LRRC1: variants seen among roughly 807,000 people sequenced by gnomAD.
The protein encoded by LRRC1 is leucine-rich repeat-containing protein 1.
In LRRC1, 28 loss-of-function variants were observed where a neutral mutation model predicts 69.9. The observed-to-expected ratio is 0.40, with a 90% CI of 0.30 to 0.55. The LOEUF is 0.55. LRRC1 is among the 20% of genes least tolerant of loss of function. LRRC1 has a pLI of 0.47. For missense variants in LRRC1, 498 were observed against 609.0 expected, an observed-to-expected ratio of 0.82 and a Z score of 1.92; for synonymous variants, 236 against 240.2, an observed-to-expected ratio of 0.98 and a Z score of 0.16.
In LRRC1 at chr6:53,916,581, C is replaced by T. The variant is rs529091851; in HGVS notation, c.1106+2612C>T. Among the ~76,000 whole-genome samples the T allele has an allele frequency of 6.6e-5, 10 of 151,986 alleles. No homozygotes were observed. The South Asian group carries it at 1.9e-3, about 28-fold the overall frequency. On this transcript the variant is annotated intron_variant, in intron 11 of 13. Transcript: ENST00000370888. ...ATACCCAAATACTAATAGTAGTTCC[C>T]CTAGATGAGACTTGAGGGTACAGGG... is the stretch of plus-strand genomic sequence containing the variant.
At chr6:53,855,260 A>AC (rs1766273207) in intron 2 of LRRC1, among the ~76,000 whole-genome samples, 1 of 152,256 alleles carries the variant, frequency 6.6e-6, no homozygotes, top group South Asian at 2.1e-4. Context: ...CATACCATGA[A>AC]CATTAACAGT....
intron 9 of LRRC1, among the ~76,000 whole-genome samples, chr6:53,903,784 T>G (rs1244564341): frequency 6.6e-6 from 1 of 152,178 alleles, no homozygotes; most frequent in African/African-American, 2.4e-5. Context: ...TTTGTGATTT[T>G]AGGCTTACAA....
chr6:53,810,633 C>G (rs1465506883), intron 1 of LRRC1, among the ~76,000 whole-genome samples: 4 of 152,008 alleles, frequency 2.6e-5, no homozygotes, highest in Middle Eastern at 3.4e-3. Context: ...AAAAAAAAAG[C>G]TTTTACACGT....
chr6:53,835,984 A>G (rs1765602461), intron 1 of LRRC1, among the ~76,000 whole-genome samples: 2 of 152,202 alleles, frequency 1.3e-5, no homozygotes, highest in Non-Finnish European at 2.9e-5. Flanking sequence ...CCATTGGCAG[A>G]AAGGACAACA....
At chr6:53,812,544 G>T (rs139960391) in intron 1 of LRRC1, among the ~76,000 whole-genome samples, 3 of 151,788 alleles carry the variant, frequency 2.0e-5, no homozygotes, top group Non-Finnish European at 2.9e-5. Flanking sequence ...CAAAAAATCA[G>T]CCGGGCGTGG....
At chr6:53,805,140 C>T (rs1764601788) in intron 1 of LRRC1, among the ~76,000 whole-genome samples, 1 of 152,058 alleles carries the variant, frequency 6.6e-6, no homozygotes, top group Non-Finnish European at 1.5e-5. Context: ...TGTGCCAGAT[C>T]TTTGGACGAC....
intron 1 of LRRC1, among the ~76,000 whole-genome samples, chr6:53,820,165 A>G (rs111326987): frequency 2.6e-5 from 4 of 152,174 alleles, no homozygotes; most frequent in African/African-American, 9.6e-5. Flanking sequence ...TGATTTACAT[A>G]CAACTTACTG....
Position 53,922,947 on chromosome 6 carries a change from C to G in LRRC1, c.*154C>G, listed in dbSNP as rs1341231806. The stretch of plus-strand genomic sequence containing the variant: ...GGAAGCTGCTGTCTCCCAGGAAGTG[C>G]CTTACTCATCCCGCAACCAGTCAGC... On this transcript the variant is annotated 3_prime_UTR_variant, in exon 14 of 14. Transcript: ENST00000370888. 2.0e-5 allele frequency: 13 copies of G among 645,462 alleles called. No homozygotes were observed. In the East Asian group the frequency reaches 2.3e-4, roughly 12 times the overall value. 40.0% of individuals were successfully genotyped at this position (645,462 alleles called of 1,614,324 possible). A position where few individuals can be genotyped will look rare whatever the true frequency, so the allele number is the denominator to read the frequency against.
intron 2 of LRRC1, among the ~76,000 whole-genome samples, chr6:53,854,670 T>C (rs1025949105): frequency 6.6e-6 from 1 of 152,234 alleles, no homozygotes; most frequent in African/African-American, 2.4e-5. Flanking sequence ...AACTCTAAAA[T>C]CATAATTCTG....
chr6:53,894,225 C>T (rs1767795811), intron 4 of LRRC1, among the ~76,000 whole-genome samples: 1 of 152,184 alleles, frequency 6.6e-6, no homozygotes, highest in South Asian at 2.1e-4. Context: ...CAAAACCTCA[C>T]GGTCCTAATC....
intron 4 of LRRC1, among the ~76,000 whole-genome samples, chr6:53,896,278 T>C (rs1008695316): frequency 6.6e-6 from 1 of 152,224 alleles, no homozygotes; most frequent in East Asian, 1.9e-4. Flanking sequence ...ACTACTCTTT[T>C]ATTAATTATT....
At chr6:53,841,398 A>G (rs1404866411) in intron 1 of LRRC1, among the ~76,000 whole-genome samples, 3 of 152,070 alleles carry the variant, frequency 2.0e-5, no homozygotes, top group African/African-American at 7.2e-5. Flanking sequence ...GTTACCATTC[A>G]TCCCTCTGTT....
chr6:53,867,971 A>AAT (rs1766759375), intron 2 of LRRC1, among the ~76,000 whole-genome samples: 2 of 150,656 alleles, frequency 1.3e-5, no homozygotes, highest in African/African-American at 2.4e-5. Context: ...AAAAAAAAAA[A>AAT]TTTTTTTGTT....
chr6:53,894,770 G>T (rs1462006290), intron 4 of LRRC1, among the ~76,000 whole-genome samples: 1 of 152,086 alleles, frequency 6.6e-6, no homozygotes, highest in Non-Finnish European at 1.5e-5. Flanking sequence ...ATACTGGGTG[G>T]TGTACATCTC....
At chr6:53,906,077 C>T (rs6940287) in intron 10 of LRRC1, among the ~76,000 whole-genome samples, 77 of 152,218 alleles carry the variant, frequency 5.1e-4, no homozygotes, top group African/African-American at 1.7e-3. Flanking sequence ...TTTTTAATGC[C>T]AGGCACTGTA....
chr6:53,885,767 G>T (rs1562059987), intron 4 of LRRC1, among the ~76,000 whole-genome samples: 1 of 152,172 alleles, frequency 6.6e-6, no homozygotes. Flanking sequence ...GAGCAGACTT[G>T]CAATGCCTTG....
chr6:53,835,410 G>A (rs535313477), intron 1 of LRRC1, among the ~76,000 whole-genome samples: 1 of 152,284 alleles, frequency 6.6e-6, no homozygotes, highest in African/African-American at 2.4e-5. Flanking sequence ...ATCATTTAAT[G>A]CTATTTTTTC....
intron 1 of LRRC1, among the ~76,000 whole-genome samples, chr6:53,810,820 G>T (rs901318609): frequency 5.3e-5 from 8 of 152,112 alleles, no homozygotes; most frequent in African/African-American, 1.9e-4. Context: ...GCCTTTCTTG[G>T]TGCTGTCCAT....
intron 12 of LRRC1, 33 bp from the exon 13 acceptor site, chr6:53,920,592 A>G: frequency 6.2e-7 from 1 of 1,613,930 alleles, no homozygotes. Context: ...CATGAAACGC[A>G]ATTCCCTGCT....
Sources: allele counts gnomAD v4.1 joint callset (sites outside exome capture counted in the v4.1 genomes callset), GRCh38; gene constraint gnomAD v4.1.1; transcripts MANE v1.5; gene names NCBI Gene and HGNC (gene_info 2026-07-23, HGNC 2026-07-21).